The following MOK variants were observed in gnomAD, a reference collection of about 807,000 sequenced individuals.
MOK encodes the protein MAPK/MAK/MRK overlapping kinase.
Under a neutral mutation model 54.2 loss-of-function variants are expected in MOK, and 59 were observed. The observed-to-expected ratio is 1.09, with a 90% confidence interval of 0.88 to 1.35. MOK has a LOEUF of 1.35. Ranked by LOEUF, MOK falls within the 40% of genes most tolerant of loss-of-function variation. MOK has a pLI of 0.00. For synonymous variants in MOK, 210 were observed against 202.7 expected (o/e 1.04, Z -0.31); for missense variants, 517 against 526.2 (o/e 0.98, Z 0.17).
downstream of MOK, chr14:102,223,341 C>T (rs1009895711): frequency 6.6e-6 from 1 of 152,468 alleles, no homozygotes; most frequent in Non-Finnish European, 1.5e-5. Context: ...TACTTTCTGA[C>T]GTAATGTAAT....
At chr14:102,274,116 C>T (rs1303587248) in intron 2 of MOK, among the ~76,000 whole-genome samples, 1 of 151,922 alleles carries the variant, frequency 6.6e-6, no homozygotes, top group Non-Finnish European at 1.5e-5. Flanking sequence ...TGCCACCACA[C>T]CCGGCTAATT....
At chr14:102,291,157 T>C (rs540988794) in intron 1 of MOK, among the ~76,000 whole-genome samples, 1 of 152,214 alleles carries the variant, frequency 6.6e-6, no homozygotes, top group Admixed American at 6.6e-5. Context: ...CGGTACCATA[T>C]CCCTTCTGAC....
Position 102,236,398 on chromosome 14 carries a change from T to TGGA in MOK, c.591-2612_591-2610dup, listed in dbSNP as rs1228628365. 3.9e-5 allele frequency among the ~76,000 whole-genome samples: 6 copies of TGGA among 152,220 alleles called. No homozygotes were observed. Among genetic ancestry groups the TGGA allele is most frequent in the Non-Finnish European group, 8.8e-5 (6 of 68,024 alleles). On this transcript the variant is annotated intron_variant, in intron 7 of 11. Transcript: ENST00000361847. This position sits in a 1 kb window ranked among gnomAD's most constrained non-coding sequence, Gnocchi z 4.5. ...CTCAGGTCTCAGTTGTGGGGGCTGA[T>TGGA]GGACTCATCTTGCGTCCACGCGCCA...
At chr14:102,282,544 G>C (rs1361837109) in intron 2 of MOK, among the ~76,000 whole-genome samples, 1 of 151,740 alleles carries the variant, frequency 6.6e-6, no homozygotes, top group Non-Finnish European at 1.5e-5. Context: ...AGACCAGCAC[G>C]GGCAACGTGG....
At chr14:102,283,451 G>T in intron 2 of MOK, 27 bp downstream of exon 2, 2 of 1,462,370 alleles carry the variant, frequency 1.4e-6, no homozygotes, top group Non-Finnish European at 1.9e-6. Flanking sequence ...ATCTGTGTTT[G>T]GTCCCAAGTG....
intron 3 of MOK, chr14:102,263,908 A>G (rs1409731711): frequency 3.9e-6 from 1 of 256,368 alleles, no homozygotes; most frequent in Non-Finnish European, 7.4e-6. Context: ...AAGGTTGGGG[A>G]GTTGGGTAAG....
In MOK at chr14:102,235,869, G is replaced by C. The variant is rs1229498080; in HGVS notation, c.591-2080C>G. On this transcript the variant is annotated intron_variant, in intron 7 of 11. Transcript: ENST00000361847. The surrounding 1 kb of genome is among the most constrained non-coding windows in gnomAD (Gnocchi z 4.4). The stretch of plus-strand genomic sequence containing the variant: ...TGGCTTTCAAAGTCTTTAATAACAG[G>C]GATGAGCAAAATAAATTAGATAAAG... Among the ~76,000 whole-genome samples, 2 of 152,048 alleles carry C rather than the reference G, an allele frequency of 1.3e-5. No homozygotes were observed. The highest frequency in any genetic ancestry group is 2.9e-5 in the Non-Finnish European group (2 of 68,008).
At chr14:102,280,474 G>A (rs1597514989) in intron 2 of MOK, among the ~76,000 whole-genome samples, 2 of 152,230 alleles carry the variant, frequency 1.3e-5, no homozygotes, top group South Asian at 4.1e-4. Context: ...GCCTTCCAAC[G>A]TGCTGGGATT....
Position 102,238,315 on chromosome 14 carries a change from T to TA in MOK, c.591-4527dup. On this transcript the variant is annotated intron_variant, in intron 7 of 11. Transcript: ENST00000361847. This position sits in a 1 kb window ranked among gnomAD's most constrained non-coding sequence, Gnocchi z 4.8. The stretch of plus-strand genomic sequence containing the variant: ...TTCCAAAGGCAAACGAGTCAACACT[T>TA]ACACAGACTCCAAAGATGTATATCA... The TA allele has an allele frequency of 6.6e-6, 1 of 152,304 alleles. No homozygotes were observed. Among genetic ancestry groups the TA allele is most frequent in the Middle Eastern group, 3.4e-3 (1 of 292 alleles). 9.4% of individuals were successfully genotyped at this position (152,304 alleles called of 1,614,324 possible).
At position 102,265,607 on chromosome 14, in the gene MOK, C is replaced by G. The variant is rs114551692; in HGVS notation, c.212+216G>C. Among the ~76,000 whole-genome samples the G allele has an allele frequency of 4.6e-3, 704 of 151,776 alleles. 6 individuals carry two copies. Among genetic ancestry groups the G allele is most frequent in the African/African-American group, 0.016 (653 of 41,388 alleles). On this transcript the variant is annotated intron_variant, in intron 3 of 11. Transcript: ENST00000361847. ...GATCACGCCGCTGCACTCCAGCCTG[C>G]ATGACAGAGAGAGAGACTCCTTCTC...
intron 7 of MOK, among the ~76,000 whole-genome samples, chr14:102,250,362 T>TG (rs2066431708): frequency 6.7e-6 from 1 of 150,140 alleles, no homozygotes; most frequent in Admixed American, 6.6e-5. Flanking sequence ...TGGGGGGGAG[T>TG]GGGGGGTTTG....
intron 7 of MOK, among the ~76,000 whole-genome samples, chr14:102,242,304 G>A (rs769456686): frequency 6.6e-6 from 1 of 152,118 alleles, no homozygotes; most frequent in Non-Finnish European, 1.5e-5. Context: ...CAACTCTGGT[G>A]CCAACTTGGA....
intron 1 of MOK, among the ~76,000 whole-genome samples, chr14:102,294,427 TAGAGCGAGACTCCGTCTCAAAAAAAAA>T: frequency 7.6e-6 from 1 of 131,180 alleles, no homozygotes; most frequent in African/African-American, 3.0e-5. Flanking sequence ...GCCAGGGTGA[TAGAGCGAGACTCCGTCTCAAAAAAAAA>T]AAAAAAAAAA....
chr14:102,257,140 T>C (rs994780467), intron 4 of MOK, among the ~76,000 whole-genome samples: 2 of 151,384 alleles, frequency 1.3e-5, no homozygotes, highest in Non-Finnish European at 2.9e-5. Flanking sequence ...ACATTCTTCA[T>C]GCTGCCTTGC....
At position 102,229,149 on chromosome 14, in the gene MOK, C is replaced by T. The variant is rs2064400173; in HGVS notation, c.*140G>A. ...GCCGCGGGTGCGGCAGGGCGCAGGGCAGCACCCAGAGCCCCGGCCAGCGCG... is the reference window on the plus strand; with the variant it reads ...GCCGCGGGTGCGGCAGGGCGCAGGGTAGCACCCAGAGCCCCGGCCAGCGCG... On this transcript the variant is annotated 3_prime_UTR_variant, in exon 12 of 12. Coordinates refer to ENST00000361847, the MANE Select transcript of MOK (RefSeq NM_014226.3). The T allele has an allele frequency of 2.2e-6, 2 of 892,362 alleles. No homozygotes were observed. Among genetic ancestry groups the T allele is most frequent in the South Asian group, 1.8e-5 (1 of 57,110 alleles). 55.3% of individuals were successfully genotyped at this position (892,362 alleles called of 1,614,324 possible).
chr14:102,233,050 G>T (rs747027442), intron 8 of MOK: 3 of 174,760 alleles, frequency 1.7e-5, no homozygotes, highest in Non-Finnish European at 3.6e-5. Context: ...TTATAAAGGG[G>T]GGGATCTGTT....
intron 1 of MOK, among the ~76,000 whole-genome samples, chr14:102,304,246 C>A (rs1481298717): frequency 6.6e-6 from 1 of 152,124 alleles, no homozygotes; most frequent in Non-Finnish European, 1.5e-5. Flanking sequence ...TGGTTCACAA[C>A]CATAAACAAT....
At chr14:102,228,369 G>A (rs534070054), downstream of MOK, among the ~76,000 whole-genome samples, 62 of 152,332 alleles carry the variant, frequency 4.1e-4, no homozygotes, top group African/African-American at 1.3e-3. Flanking sequence ...ACGCCTGTGT[G>A]TGTTCCTTTC....
At chr14:102,215,015 T>A in the MOK span, 1 of 980,804 alleles carries the variant, frequency 1.0e-6, no homozygotes, top group Non-Finnish European at 1.2e-6. Context: ...ATGTAGATAA[T>A]TTTCAGTAGT....
Sources: allele counts gnomAD v4.1 joint callset (sites outside exome capture counted in the v4.1 genomes callset), GRCh38; gene constraint gnomAD v4.1.1; non-coding constraint Gnocchi (gnomAD v3.1); transcripts MANE v1.5; gene names NCBI Gene and HGNC (gene_info 2026-07-23, HGNC 2026-07-21).